The following ADGRG2 variants were observed in gnomAD, a reference collection of about 807,000 sequenced individuals.
ADGRG2 encodes the protein adhesion G protein-coupled receptor G2.
Under a neutral mutation model 74.1 loss-of-function variants are expected in ADGRG2, and 26 were observed. The observed-to-expected ratio is 0.35, with a 90% confidence interval of 0.26 to 0.49. The LOEUF (loss-of-function observed/expected upper bound fraction) is 0.49, where lower values mean the gene tolerates loss of function less well. ADGRG2 is among the 20% of genes least tolerant of loss of function. ADGRG2 has a pLI of 0.99. For synonymous variants in ADGRG2, 296 were observed against 295.2 expected (o/e 1.00, Z -0.03); for missense variants, 619 against 763.1 (o/e 0.81, Z 2.22).
At chrX:19,095,874 C>G (rs1425355037) in intron 1 of ADGRG2, among the ~76,000 whole-genome samples, 1 of 109,988 alleles carries the variant, frequency 9.1e-6, no homozygotes, top group Admixed American at 9.7e-5. Flanking sequence ...CAGAAATTAG[C>G]TGGGTGTGGG....
chrX:19,018,922 A>C (rs1016242865), intron 15 of ADGRG2, among the ~76,000 whole-genome samples: 2 of 111,802 alleles, frequency 1.8e-5, no homozygotes, highest in Non-Finnish European at 3.8e-5. Context: ...GGCTCACTGC[A>C]AGCTCCGCCT....
At chrX:19,036,046 TCCTTAAACATTTCC>T in intron 6 of ADGRG2, 69 bp from the exon 7 acceptor site, 2 of 504,761 alleles carry the variant, frequency 4.0e-6, no homozygotes, top group Non-Finnish European at 6.4e-6. Flanking sequence ...CTTCCTAGGT[TCCTTAAACATTTCC>T]CTTTTCCCCA....
At chrX:19,020,477 G>A (rs141638794) in intron 14 of ADGRG2, among the ~76,000 whole-genome samples, 36 of 111,307 alleles carry the variant, frequency 3.2e-4, no homozygotes, top group African/African-American at 1.1e-3. Context: ...GGGAGGGAGA[G>A]CATTAGGACA....
chrX:19,007,198 C>A (rs781423963), intron 20 of ADGRG2, 37 bp downstream of exon 20: 2 of 1,200,605 alleles, frequency 1.7e-6, no homozygotes, highest in South Asian at 1.8e-5. Context: ...ACAAGGTGTT[C>A]CTGGTCAATG....
chrX:19,029,827 T>C (rs927262485), intron 9 of ADGRG2, among the ~76,000 whole-genome samples: 1 of 110,344 alleles, frequency 9.1e-6, no homozygotes, highest in African/African-American at 3.3e-5. Context: ...GGGAATTCGG[T>C]GAACGGAAGA....
intron 12 of ADGRG2, 100 bp from the exon 13 acceptor site, chrX:19,023,553 C>A: frequency 2.0e-6 from 1 of 499,951 alleles, no homozygotes; most frequent in South Asian, 3.5e-5. Context: ...ATTTTAGAAT[C>A]ACGAGAGCCC....
chrX:18,992,546 C>T (rs1350681907), intron 28 of ADGRG2, among the ~76,000 whole-genome samples: 1 of 112,195 alleles, frequency 8.9e-6, no homozygotes, highest in Admixed American at 9.5e-5. Context: ...CTAACTTAGC[C>T]TCCCAAAGTG....
At position 19,033,546 on chromosome X, in the gene ADGRG2, C is replaced by G. The variant is rs553399760; in HGVS notation, c.304+67G>C. The G allele has an allele frequency of 5.0e-4, 270 of 544,762 alleles. No homozygotes were observed. In the African/African-American group the frequency reaches 5.8e-3, roughly 12 times the overall value. The allele number at this position is 544,762 out of a possible 1,213,427, so 44.9% of individuals were successfully genotyped here. On this transcript the variant is annotated intron_variant, in intron 8 of 28. Transcript: ENST00000379869. ...AAAAAAGAGAAAGAAATTATAAACA[C>G]CAGCCATTTGTTTAATTTTACTTTA...
chrX:18,996,217 T>C, intron 26 of ADGRG2, 65 bp from the exon 27 acceptor site: 1 of 538,964 alleles, frequency 1.9e-6, no homozygotes, highest in Non-Finnish European at 3.2e-6. Context: ...AAGCTCACTT[T>C]GCACAAAAGA....
At chrX:19,093,802 C>A (rs7878299) in intron 1 of ADGRG2, among the ~76,000 whole-genome samples, 1 of 110,666 alleles carries the variant, frequency 9.0e-6, no homozygotes, top group Non-Finnish European at 1.9e-5. Context: ...CTAATGGGCA[C>A]GTGTGACTTA....
chrX:19,079,567 T>C (rs183553210), intron 2 of ADGRG2, among the ~76,000 whole-genome samples: 1 of 111,898 alleles, frequency 8.9e-6, no homozygotes, highest in East Asian at 2.8e-4. Flanking sequence ...TGACAGAAAC[T>C]AGGTTAACTG....
intron 23 of ADGRG2, 98 bp downstream of exon 23, chrX:19,004,660 A>C: frequency 2.5e-6 from 2 of 810,255 alleles, no homozygotes; most frequent in Non-Finnish European, 3.6e-6. Context: ...CTGGGTGTAC[A>C]GGGTAAGGCA....
In ADGRG2 at chrX:19,028,165, A is replaced by AG; in HGVS notation, c.414+17_414+18insC. On this transcript the variant is annotated intron_variant, in intron 10 of 28. Transcript: ENST00000379869. Reference sequence around the variant, plus strand: ...TTTGCCTTTTAAGATTGCAGTAAAAAAAATCTTTAAAACTTACCTGGGGAA... The same window carrying AG: ...TTTGCCTTTTAAGATTGCAGTAAAAAGAAATCTTTAAAACTTACCTGGGGAA... 1 of 942,261 alleles carries AG rather than the reference A, an allele frequency of 1.1e-6. No individual in the cohort carries two copies. Among genetic ancestry groups the AG allele is most frequent in the Non-Finnish European group, 1.5e-6 (1 of 660,239 alleles). The allele number at this position is 942,261 out of a possible 1,213,427, so 77.7% of individuals were successfully genotyped here.
chrX:19,062,535 G>C (rs764861580), intron 3 of ADGRG2, among the ~76,000 whole-genome samples: 2 of 111,948 alleles, frequency 1.8e-5, no homozygotes, highest in Non-Finnish European at 3.8e-5. Context: ...CAGTGCCATG[G>C]TAAGCATTTA....
chrX:19,017,866 T>TAA (rs763931254), intron 15 of ADGRG2, among the ~76,000 whole-genome samples: 10 of 99,506 alleles, frequency 1.0e-4, no homozygotes, highest in African/African-American at 3.3e-4. Flanking sequence ...AAAGAAAAAG[T>TAA]AAAAAAAAAA....
At chrX:19,111,847 C>T (rs367675172) in intron 1 of ADGRG2, among the ~76,000 whole-genome samples, 2 of 110,165 alleles carry the variant, frequency 1.8e-5, no homozygotes, top group African/African-American at 6.6e-5. Context: ...AATTTGTGCA[C>T]TAAAATAATT....
At chrX:19,111,751 G>A (rs2062416837) in intron 1 of ADGRG2, among the ~76,000 whole-genome samples, 1 of 111,283 alleles carries the variant, frequency 9.0e-6, no homozygotes, top group Non-Finnish European at 1.9e-5. Context: ...AGGATTGTAA[G>A]CTGATGGGAA....
intron 1 of ADGRG2, among the ~76,000 whole-genome samples, chrX:19,083,550 T>C (rs1028613019): frequency 9.0e-6 from 1 of 110,828 alleles, no homozygotes; most frequent in African/African-American, 3.3e-5. Flanking sequence ...AGAGGCAGAA[T>C]TGTTTCTCCA....
Position 19,027,286 on chromosome X carries a change from A to G in ADGRG2, c.415-12T>C. On this transcript the variant is annotated splice_polypyrimidine_tract_variant and intron_variant, in intron 10 of 28. Transcript: ENST00000379869. ...GTTATATGTTGATTCTGTTAGAAGC[A>G]TAAAATCATTAAGAATATAACAAAC... 1 of 1,036,051 alleles carries G rather than the reference A, an allele frequency of 9.7e-7. No individual in the cohort carries two copies. The highest frequency in any genetic ancestry group is 1.4e-6 in the Non-Finnish European group (1 of 735,355). 85.4% of individuals were successfully genotyped at this position (1,036,051 alleles called of 1,213,427 possible). A position where few individuals can be genotyped will look rare whatever the true frequency, so the allele number is the denominator to read the frequency against.
Sources: allele counts gnomAD v4.1 joint callset (sites outside exome capture counted in the v4.1 genomes callset), GRCh38; gene constraint gnomAD v4.1.1; transcripts MANE v1.5; gene names NCBI Gene and HGNC (gene_info 2026-07-23, HGNC 2026-07-21).